SERPINI1: variants seen among roughly 807,000 people sequenced by gnomAD.
SERPINI1 encodes the protein serpin family I member 1, also known as neuroserpin.
A neutral mutation model predicts 41.1 loss-of-function variants in SERPINI1; 19 were observed. The ratio of observed to expected loss-of-function variants is 0.46; its 90% CI spans 0.32 to 0.68. The LOEUF (loss-of-function observed/expected upper bound fraction) is 0.68. Ranked by LOEUF, SERPINI1 falls within the 30% of genes least tolerant of loss-of-function variation. SERPINI1 has a pLI of 0.03. For synonymous variants in SERPINI1, 138 were observed against 156.6 expected, an observed-to-expected ratio of 0.88 and a Z score of 0.89; for missense variants, 460 against 479.2, an observed-to-expected ratio of 0.96 and a Z score of 0.37.
chr3:167,773,112 A>G (rs6775296), intron 1 of SERPINI1, among the ~76,000 whole-genome samples: 19,392 of 151,390 alleles, frequency 0.13, 1,510 homozygotes, highest in African/African-American at 0.21. Context: ...CATCATGACT[A>G]TTCTGAGAAC....
At position 167,785,304 on chromosome 3, in the gene SERPINI1, C is replaced by T. The variant is rs558945825; in HGVS notation, c.-18-3807C>T. Among the ~76,000 whole-genome samples, 463 of 152,234 alleles carry T rather than the reference C, an allele frequency of 3.0e-3. 2 individuals are homozygous for T. The highest frequency in any genetic ancestry group is 0.01 in the African/African-American group (435 of 41,534). On this transcript the variant is annotated intron_variant, in intron 1 of 8. Transcript: ENST00000446050. ...ATTTCCTTAATAATTTTGCAGAGTG[C>T]GGATTAATACCTTTTTTCATTAATG...
chr3:167,787,087 A>G (rs1286398085), intron 1 of SERPINI1, among the ~76,000 whole-genome samples: 1 of 152,106 alleles, frequency 6.6e-6, no homozygotes, highest in Non-Finnish European at 1.5e-5. Flanking sequence ...AACTTAAGAC[A>G]CAAATACACA....
At chr3:167,811,810 C>T (rs1343134987) in intron 6 of SERPINI1, among the ~76,000 whole-genome samples, 1 of 152,098 alleles carries the variant, frequency 6.6e-6, no homozygotes, top group South Asian at 2.1e-4. Flanking sequence ...GAGTTCAAAA[C>T]CACCCTGGGT....
At chr3:167,763,349 CCA>C in intron 1 of SERPINI1, among the ~76,000 whole-genome samples, 1 of 146,384 alleles carries the variant, frequency 6.8e-6, no homozygotes, top group Admixed American at 6.7e-5. Context: ...CATATTTCAA[CCA>C]CAGTTTTGTG....
rs372954640 is a variant in SERPINI1 at position 167,779,374 on chromosome 3, A to G, written c.-18-9737A>G. ...GAAAGGATCCAAAAAGCAAATGAAT[A>G]TATAAGCCTTCAGAAATACCAAAAT... On this transcript the variant is annotated intron_variant, in intron 1 of 8. Transcript: ENST00000446050. Among the ~76,000 whole-genome samples the G allele has an allele frequency of 2.0e-5, 3 of 152,228 alleles. No homozygotes were observed. In the South Asian group the frequency reaches 6.2e-4, roughly 32 times the overall value.
chr3:167,753,607 C>T (rs1015057172), intron 1 of SERPINI1, among the ~76,000 whole-genome samples: 1 of 152,092 alleles, frequency 6.6e-6, no homozygotes, highest in Non-Finnish European at 1.5e-5. Flanking sequence ...AAACTTACCC[C>T]TGTGGCCTTT....
At chr3:167,792,369 A>C (rs1283563158) in intron 3 of SERPINI1, among the ~76,000 whole-genome samples, 1 of 51,826 alleles carries the variant, frequency 1.9e-5, no homozygotes, top group Admixed American at 1.5e-4. Flanking sequence ...ATACACACAT[A>C]TATATATATA....
At position 167,825,261 on chromosome 3, in the gene SERPINI1, A is replaced by C; in HGVS notation, c.1171A>C (p.Met391Leu). ...RNRRTGTILF[M>L]GRVMHPETMN... The stretch of plus-strand genomic sequence containing the variant: ...AACCAATACAGGTACAATTCTATTC[A>C]TGGGACGAGTCATGCATCCTGAAAC... Residue 391 changes from methionine (M) to leucine (L), a missense_variant, in exon 9 of 9, where the codon ATG becomes CTG. Transcript: ENST00000446050. 1 of 1,612,620 alleles carries C rather than the reference A, an allele frequency of 6.2e-7. No individual in the cohort carries two copies. Among genetic ancestry groups the C allele is most frequent in the Non-Finnish European group, 8.5e-7 (1 of 1,178,688 alleles).
At chr3:167,796,145 T>C (rs1168793498) in intron 5 of SERPINI1, among the ~76,000 whole-genome samples, 1 of 152,046 alleles carries the variant, frequency 6.6e-6, no homozygotes, top group African/African-American at 2.4e-5. Context: ...TATGTAAATA[T>C]CAATGTTTCT....
intron 1 of SERPINI1, 95 bp from the exon 2 acceptor site, chr3:167,789,016 T>C: frequency 8.3e-7 from 1 of 1,211,610 alleles, no homozygotes; most frequent in Non-Finnish European, 1.2e-6. Context: ...AACTGTTAAT[T>C]GACTTTTTAA....
At chr3:167,780,517 T>A (rs187353710) in intron 1 of SERPINI1, among the ~76,000 whole-genome samples, 1 of 152,328 alleles carries the variant, frequency 6.6e-6, no homozygotes, top group East Asian at 1.9e-4. Flanking sequence ...TGCCTTTAAC[T>A]GTGCTGGTTG....
At chr3:167,819,282 G>T (rs1353613453) in intron 6 of SERPINI1, among the ~76,000 whole-genome samples, 3 of 152,062 alleles carry the variant, frequency 2.0e-5, no homozygotes, top group African/African-American at 7.2e-5. Context: ...CCTGAGTGCT[G>T]GGATAATAGG....
At chr3:167,816,135 T>C (rs1712079053) in intron 6 of SERPINI1, among the ~76,000 whole-genome samples, 1 of 152,112 alleles carries the variant, frequency 6.6e-6, no homozygotes, top group Non-Finnish European at 1.5e-5. Flanking sequence ...CTCAACCTTC[T>C]TGAGCTCAGG....
At chr3:167,807,871 C>T (rs1444895559) in intron 6 of SERPINI1, among the ~76,000 whole-genome samples, 4 of 151,970 alleles carry the variant, frequency 2.6e-5, no homozygotes, top group Non-Finnish European at 4.4e-5. Flanking sequence ...AATCCTAGTA[C>T]TTTGGGAGGC....
At chr3:167,755,794 A>ATTTTTTTTTTTTTTTTTT (rs34182780) in intron 1 of SERPINI1, among the ~76,000 whole-genome samples, 1 of 119,222 alleles carries the variant, frequency 8.4e-6, no homozygotes. Flanking sequence ...GGTGTTGCTG[A>ATTTTTTTTTTTTTTTTTT]TTTTTTTTTT....
At chr3:167,775,995 A>G (rs1289407135) in intron 1 of SERPINI1, among the ~76,000 whole-genome samples, 1 of 152,160 alleles carries the variant, frequency 6.6e-6, no homozygotes, top group African/African-American at 2.4e-5. Flanking sequence ...TTTCTCACCT[A>G]CAAAATGGGG....
Position 167,787,793 on chromosome 3 carries a change from A to G in SERPINI1, c.-18-1318A>G, listed in dbSNP as rs201253220. On this transcript the variant is annotated intron_variant, in intron 1 of 8. Coordinates refer to ENST00000446050, the MANE Select transcript of SERPINI1 (RefSeq NM_001122752.2). ...ACGTTGGAACTTTTCAGACAAAAAA[A>G]CTGTTGCTTCTAACATGAAAATGTG... Among the ~76,000 whole-genome samples the G allele has an allele frequency of 4.7e-4, 71 of 152,330 alleles. No individual in the cohort carries two copies. In the East Asian group the frequency reaches 0.01, roughly 22 times the overall value.
At chr3:167,789,476 G>A in intron 2 of SERPINI1, 98 bp downstream of exon 2, 1 of 1,415,964 alleles carries the variant, frequency 7.1e-7, no homozygotes, top group Non-Finnish European at 9.9e-7. Context: ...TTTACACAGG[G>A]TAAAAAACAA....
chr3:167,786,502 C>A (rs1445508775), intron 1 of SERPINI1, among the ~76,000 whole-genome samples: 1 of 100,626 alleles, frequency 9.9e-6, no homozygotes, highest in East Asian at 2.4e-4. Flanking sequence ...AGGGAGACTC[C>A]GTCTCAAAAA....
Sources: gnomAD v4.1 joint callset for allele counts (sites outside exome capture counted in the v4.1 genomes callset) on GRCh38, gnomAD v4.1.1 for gene constraint, MANE v1.5 for transcripts, NCBI Gene and HGNC (gene_info 2026-07-23, HGNC 2026-07-21) for gene names.